The following NCKAP5 variants were observed in gnomAD, a reference collection of about 807,000 sequenced individuals.
NCKAP5 encodes NCK associated protein 5, also known as nck-associated protein 5.
In NCKAP5, 92 loss-of-function variants were observed where a neutral mutation model predicts 167.0. That is an observed-to-expected ratio of 0.55 (90% CI 0.47 to 0.66). NCKAP5 has a LOEUF of 0.66. Ranked by LOEUF, NCKAP5 falls within the 30% of genes least tolerant of loss-of-function variation. NCKAP5 has a pLI of 0.00. For missense variants in NCKAP5, 2,378 were observed against 2,315.0 expected (o/e 1.03, Z -0.56); for synonymous variants, 891 against 877.4 (o/e 1.02, Z -0.27).
chr2:133,457,592 GAA>G (rs1353016232), intron 3 of NCKAP5, among the ~76,000 whole-genome samples: 1 of 152,094 alleles, frequency 6.6e-6, no homozygotes, highest in Admixed American at 6.6e-5. Context: ...CAGTCTGAAG[GAA>G]CAAAATCTTA....
chr2:132,809,140 A>G (rs1257710897), intron 11 of NCKAP5, among the ~76,000 whole-genome samples: 1 of 152,132 alleles, frequency 6.6e-6, no homozygotes, highest in Non-Finnish European at 1.5e-5. Context: ...AGTGCTTGAT[A>G]TAATTTCAAT....
At chr2:132,922,484 C>A (rs1695520737) in intron 8 of NCKAP5, among the ~76,000 whole-genome samples, 1 of 152,202 alleles carries the variant, frequency 6.6e-6, no homozygotes, top group Non-Finnish European at 1.5e-5. Context: ...GGATGAAGTT[C>A]AAACCCATTA....
At chr2:133,598,262 C>A in the NCKAP5 span, among the ~76,000 whole-genome samples, 6 of 152,182 alleles carry the variant, frequency 3.9e-5, no homozygotes, top group Non-Finnish European at 8.8e-5. Context: ...ATATGAGTTT[C>A]TAGGCCTGAA....
chr2:133,318,669 G>C (rs1449326097), intron 3 of NCKAP5, among the ~76,000 whole-genome samples: 2 of 152,138 alleles, frequency 1.3e-5, no homozygotes, highest in African/African-American at 2.4e-5. Flanking sequence ...AATCTGGAGA[G>C]AAATGGGACA....
At chr2:133,281,811 T>C (rs1361361811) in intron 4 of NCKAP5, among the ~76,000 whole-genome samples, 1 of 152,186 alleles carries the variant, frequency 6.6e-6, no homozygotes, top group African/African-American at 2.4e-5. Flanking sequence ...GGGACTCTGC[T>C]CATGGTAATC....
intron 6 of NCKAP5, among the ~76,000 whole-genome samples, chr2:133,127,210 C>T (rs1180710279): frequency 6.6e-6 from 1 of 152,146 alleles, no homozygotes; most frequent in Non-Finnish European, 1.5e-5. Flanking sequence ...TTTTCAAAGA[C>T]TTAATAAGAT....
chr2:132,785,758 G>T, intron 13 of NCKAP5, 40 bp from the exon 14 acceptor site: 1 of 1,410,496 alleles, frequency 7.1e-7, no homozygotes, highest in Non-Finnish European at 9.3e-7. Context: ...ATTGAACCAT[G>T]TAGATCACAA....
intron 6 of NCKAP5, among the ~76,000 whole-genome samples, chr2:133,016,508 C>A (rs989973636): frequency 2.0e-5 from 3 of 152,124 alleles, no homozygotes; most frequent in African/African-American, 7.2e-5. Context: ...TTGGAATGTT[C>A]TTTGTCTAAA....
the NCKAP5 span, among the ~76,000 whole-genome samples, chr2:133,652,846 C>T: frequency 1.3e-5 from 2 of 152,224 alleles, no homozygotes; most frequent in African/African-American, 4.8e-5. Context: ...ACTCAATTCT[C>T]TCTGTGTCAT....
chr2:133,236,009 T>G (rs1457381509), intron 4 of NCKAP5, among the ~76,000 whole-genome samples: 1 of 130,006 alleles, frequency 7.7e-6, no homozygotes, highest in Non-Finnish European at 1.5e-5. Context: ...GAGGCTGCAG[T>G]GAGCCAAGAT....
chr2:133,577,565 C>T, the NCKAP5 span, among the ~76,000 whole-genome samples: 10 of 151,834 alleles, frequency 6.6e-5, no homozygotes, highest in East Asian at 1.9e-4. Context: ...ATGTGCACAA[C>T]GTGCAGGTTT....
At chr2:132,983,523 G>A (rs1229020886) in intron 7 of NCKAP5, among the ~76,000 whole-genome samples, 2 of 152,068 alleles carry the variant, frequency 1.3e-5, no homozygotes, top group African/African-American at 4.8e-5. Flanking sequence ...TAATCATGAG[G>A]GATATTATTG....
chr2:133,146,407 TA>T, intron 5 of NCKAP5, among the ~76,000 whole-genome samples: 1 of 152,226 alleles, frequency 6.6e-6, no homozygotes, highest in Middle Eastern at 3.4e-3. Context: ...ACTACCATTC[TA>T]GATCAATTTT....
intron 11 of NCKAP5, among the ~76,000 whole-genome samples, chr2:132,839,373 G>A (rs967538325): frequency 1.1e-4 from 16 of 151,986 alleles, no homozygotes; most frequent in Admixed American, 4.6e-4. Flanking sequence ...CCTGTTTTCT[G>A]TATATGTATT....
intron 8 of NCKAP5, among the ~76,000 whole-genome samples, chr2:132,932,610 A>G (rs945190506): frequency 7.9e-5 from 12 of 152,348 alleles, no homozygotes; most frequent in African/African-American, 2.9e-4. Flanking sequence ...TAGAAGGCAG[A>G]CATCATGTAA....
chr2:132,971,843 C>G (rs190378066), intron 7 of NCKAP5, among the ~76,000 whole-genome samples: 7 of 152,122 alleles, frequency 4.6e-5, no homozygotes, highest in Non-Finnish European at 1.0e-4. Context: ...GCAGATTCCT[C>G]GGTGCACTCT....
intron 4 of NCKAP5, among the ~76,000 whole-genome samples, chr2:133,251,556 A>C (rs2088334504): frequency 6.6e-6 from 1 of 152,266 alleles, no homozygotes; most frequent in African/African-American, 2.4e-5. Context: ...CCAAAGTATA[A>C]AAAAAGCATA....
intron 6 of NCKAP5, among the ~76,000 whole-genome samples, chr2:133,030,539 AC>A (rs949253290): frequency 3.2e-4 from 48 of 152,330 alleles, no homozygotes; most frequent in African/African-American, 1.1e-3. Context: ...TGAAAGCTTC[AC>A]CTCTGATTGG....
intron 19 of NCKAP5, among the ~76,000 whole-genome samples, chr2:132,717,270 G>T (rs1689459944): frequency 6.6e-6 from 1 of 152,180 alleles, no homozygotes; most frequent in South Asian, 2.1e-4. Context: ...GATCTAAAAA[G>T]AGAGAAGTTC....
Sources: gnomAD v4.1 joint callset for allele counts (sites outside exome capture counted in the v4.1 genomes callset) on GRCh38, gnomAD v4.1.1 for gene constraint, MANE v1.5 for transcripts, NCBI Gene and HGNC (gene_info 2026-07-23, HGNC 2026-07-21) for gene names.